BUD13: variants seen among roughly 807,000 people sequenced by gnomAD.
The protein encoded by BUD13 is BUD13 spliceosome associated protein.
Under a neutral mutation model 62.5 loss-of-function variants are expected in BUD13, and 47 were observed. That is an observed-to-expected ratio of 0.75 (90% confidence interval 0.60 to 0.96). The LOEUF (loss-of-function observed/expected upper bound fraction) is 0.96. BUD13 is among the 40% of genes least tolerant of loss of function. The pLI is 0.00. For missense variants in BUD13, 821 were observed against 790.9 expected (o/e 1.04, Z -0.46); for synonymous variants, 293 against 280.1 (o/e 1.05, Z -0.46).
chr11:116,772,569 GA>G (rs1339298841), intron 1 of BUD13, among the ~76,000 whole-genome samples: 1 of 152,206 alleles, frequency 6.6e-6, no homozygotes, highest in Non-Finnish European at 1.5e-5. Flanking sequence ...ACCAAGGCGG[GA>G]AAAGAGTAAT....
chr11:116,748,466 C>T lies in BUD13; in HGVS notation c.*16G>A, dbSNP rs148221476. On this transcript the variant is annotated 3_prime_UTR_variant, in exon 10 of 10. Coordinates refer to ENST00000260210, the MANE Select transcript of BUD13 (RefSeq NM_032725.4). ...CCCACTACCACAGCCCAGCCACCCC[C>T]ACAGCCTCAGGAAAGTTACATATCC... 399 of 1,613,534 alleles carry T rather than the reference C, an allele frequency of 2.5e-4. No individual in the cohort carries two copies. Among genetic ancestry groups the T allele is most frequent in the African/African-American group, 1.7e-3 (128 of 75,046 alleles).
chr11:116,759,263 G>A (rs987582704), intron 5 of BUD13, 84 bp from the exon 6 acceptor site: 1 of 878,886 alleles, frequency 1.1e-6, no homozygotes, highest in Non-Finnish European at 1.9e-6. Flanking sequence ...TTGCATTTGT[G>A]TCTAATGACC....
At chr11:116,760,648 C>T (rs781366978) in intron 5 of BUD13, 87 bp downstream of exon 5, 1 of 1,413,232 alleles carries the variant, frequency 7.1e-7, no homozygotes, top group Non-Finnish European at 9.9e-7. Context: ...CTACATCCTT[C>T]TTCTTGGCTT....
Position 116,763,278 on chromosome 11 carries a change from T to TAACAAAGAGTCAG in BUD13, c.323-25_323-13dup. Reference sequence around the variant, plus strand: ...GTCTTCGTTGTGGCCTAAACACAAATAACAAAGAGTCAGATTCCCACAAAT... The same window carrying TAACAAAGAGTCAG: ...GTCTTCGTTGTGGCCTAAACACAAATAACAAAGAGTCAGAACAAAGAGTCAGATTCCCACAAAT... On this transcript the variant is annotated splice_polypyrimidine_tract_variant and intron_variant, in intron 3 of 9. Transcript: ENST00000260210. 6.6e-7 allele frequency: 1 copy of TAACAAAGAGTCAG among 1,522,018 alleles called. No homozygotes were observed. 94.3% of individuals were successfully genotyped at this position (1,522,018 alleles called of 1,614,324 possible).
chr11:116,749,572 T>C (rs1940198258), intron 9 of BUD13, among the ~76,000 whole-genome samples: 1 of 152,144 alleles, frequency 6.6e-6, no homozygotes, highest in Non-Finnish European at 1.5e-5. Context: ...AGAAGTGGCC[T>C]GGTATGTGCA....
At chr11:116,762,351 T>C (rs1277038747) in intron 4 of BUD13, among the ~76,000 whole-genome samples, 1 of 152,216 alleles carries the variant, frequency 6.6e-6, no homozygotes, top group Non-Finnish European at 1.5e-5. Flanking sequence ...TACTTTTATA[T>C]GGGGTGGAGC....
intron 3 of BUD13, among the ~76,000 whole-genome samples, chr11:116,763,672 T>A (rs957696497): frequency 3.5e-4 from 53 of 152,152 alleles, no homozygotes; most frequent in African/African-American, 1.3e-3. Context: ...CCCAGTCCAA[T>A]GTTCTTTCTA....
Position 116,760,839 on chromosome 11 carries a change from G to A in BUD13, c.1150C>T (p.Arg384Trp), listed in dbSNP as rs149005278. Reference sequence around the variant, plus strand: ...GGAGAGAGGTCAGAATCAGAGCTCCGGTGTCTAGGTCTATTCCGTGGAGGT... The same window carrying A: ...GGAGAGAGGTCAGAATCAGAGCTCCAGTGTCTAGGTCTATTCCGTGGAGGT... ...LSPPRNRPRH[R>W]SSDSDLSPPR... The change falls in exon 5 of 10, where the codon CGG becomes TGG. Residue 384 changes from arginine to tryptophan, a missense_variant. Physicochemically the swap from Arg to Trp is moderately radical, Grantham distance 101. Coordinates refer to ENST00000260210, the MANE Select transcript of BUD13 (RefSeq NM_032725.4). 141 of 1,613,942 alleles carry A rather than the reference G, an allele frequency of 8.7e-5. No individual in the cohort carries two copies. Among genetic ancestry groups the A allele is most frequent in the Non-Finnish European group, 1.1e-4 (127 of 1,180,006 alleles).
At chr11:116,749,117 T>C (rs1452095328) in intron 9 of BUD13, among the ~76,000 whole-genome samples, 1 of 152,212 alleles carries the variant, frequency 6.6e-6, no homozygotes, top group Non-Finnish European at 1.5e-5. Flanking sequence ...TCCCCCACTC[T>C]GACAGCTATT....
chr11:116,754,355 T>G (rs1940289564), intron 9 of BUD13, among the ~76,000 whole-genome samples: 1 of 152,208 alleles, frequency 6.6e-6, no homozygotes, highest in Admixed American at 6.5e-5. Context: ...CCAACAAATT[T>G]CAAAAGATCA....
At chr11:116,765,824 G>A (rs115390026) in intron 2 of BUD13, among the ~76,000 whole-genome samples, 2,663 of 152,266 alleles carry the variant, frequency 0.017, 83 homozygotes, top group African/African-American at 0.061. Flanking sequence ...ATCATGCCTA[G>A]CACTAATCAA....
At chr11:116,763,975 A>C (rs1206925841) in intron 3 of BUD13, among the ~76,000 whole-genome samples, 2 of 152,238 alleles carry the variant, frequency 1.3e-5, no homozygotes, top group African/African-American at 4.8e-5. Context: ...AAATACTGTC[A>C]TTTCATTTAT....
At position 116,763,195 on chromosome 11, in the gene BUD13, G is replaced by A. The variant is rs550124526; in HGVS notation, c.394C>T (p.Arg132Cys). 19 of 1,591,298 alleles carry A rather than the reference G, an allele frequency of 1.2e-5. No homozygotes were observed. Among genetic ancestry groups the A allele is most frequent in the African/African-American group, 4.0e-5 (3 of 74,496 alleles). ...DTPDSSPRRV[R>C]HGTPDPSPRK... Reference sequence around the variant, plus strand: ...GGAGATGGATCTGGGGTACCATGACGGACCCTCCTAGGAGATGAATCCGGG... The same window carrying A: ...GGAGATGGATCTGGGGTACCATGACAGACCCTCCTAGGAGATGAATCCGGG... Residue 132 changes from arginine to cysteine, a missense_variant, in exon 4 of 10, where the codon CGT (arginine) becomes TGT (cysteine). Physicochemically the swap from Arg to Cys is radical, Grantham distance 180. Around this residue, in one of 2 missense-constraint regions of BUD13, gnomAD observed 800 missense variants for 739.2 expected, o/e 1.08. Transcript: ENST00000260210.
intron 3 of BUD13, among the ~76,000 whole-genome samples, 157 bp from the exon 4 acceptor site, chr11:116,763,423 C>T (rs1940475134): frequency 6.6e-6 from 1 of 152,196 alleles, no homozygotes; most frequent in Non-Finnish European, 1.5e-5. Context: ...GGGCAGCAAA[C>T]CACCACTCAT....
At chr11:116,752,900 G>C (rs889249614) in intron 9 of BUD13, among the ~76,000 whole-genome samples, 1 of 152,098 alleles carries the variant, frequency 6.6e-6, no homozygotes, top group Non-Finnish European at 1.5e-5. Context: ...CAAATAGCTG[G>C]TACTACAGAC....
In BUD13 at chr11:116,757,824, C is replaced by T. The variant is rs1940356775; in HGVS notation, c.1626G>A (p.Gly542=). Residue 542 remains glycine, a synonymous_variant, in exon 8 of 10, where the codon GGG becomes GGA. Coordinates refer to ENST00000260210, the MANE Select transcript of BUD13 (RefSeq NM_032725.4). ...TCTTGATGAAGTTGGCCATAGGGTC[C>T]CCCTCTCTTTCCTGTTCTCTTAGCA... ...DRMLREQERE[G]DPMANFIKKN... The T allele has an allele frequency of 6.2e-7, 1 of 1,613,982 alleles. No homozygotes were observed.
chr11:116,753,970 T>C (rs549371165), intron 9 of BUD13, among the ~76,000 whole-genome samples: 51 of 152,356 alleles, frequency 3.3e-4, no homozygotes, highest in Non-Finnish European at 4.9e-4. Flanking sequence ...AGAATATACG[T>C]TCTCTTCAAG....
At position 116,770,197 on chromosome 11, in the gene BUD13, T is replaced by C; in HGVS notation, c.169A>G (p.Ser57Gly). 1.2e-6 allele frequency: 2 copies of C among 1,613,318 alleles called. No homozygotes were observed. Among genetic ancestry groups the C allele is most frequent in the Non-Finnish European group, 1.7e-6 (2 of 1,179,724 alleles). ...TTGGTTGTGGAGATAGCTGTCCAGC[T>C]CACATCATCATCCACAATCCGCATT... Reference protein sequence around the residue: ...KGMRIVDDDVSWTAISTTKLE... With the variant: ...KGMRIVDDDVGWTAISTTKLE... Residue 57 changes from serine to glycine, a missense_variant, in exon 2 of 10, where the codon AGC becomes GGC. Ser to Gly is a moderately conservative substitution (Grantham distance 56). This residue lies in a region of BUD13 where 800 missense variants were observed against 739.2 expected (regional missense o/e 1.08). Coordinates refer to ENST00000260210, the MANE Select transcript of BUD13 (RefSeq NM_032725.4).
chr11:116,762,981 G>A lies in BUD13; in HGVS notation c.608C>T (p.Pro203Leu), dbSNP rs755798049. 3.7e-6 allele frequency: 6 copies of A among 1,613,688 alleles called. No individual in the cohort carries two copies. Among genetic ancestry groups the A allele is most frequent in the South Asian group, 1.1e-5 (1 of 91,070 alleles). The change falls in exon 4 of 10, where the codon CCA becomes CTA. Residue 203 changes from proline (P) to leucine (L), a missense_variant. Pro to Leu is a moderately conservative substitution (Grantham distance 98, BLOSUM62 -3). This residue lies in a region of BUD13 where 800 missense variants were observed against 739.2 expected (regional missense o/e 1.08). Coordinates refer to ENST00000260210, the MANE Select transcript of BUD13 (RefSeq NM_032725.4). The part of the protein sequence containing the change: ...ARHDSPDPSP[P>L]RRPQHNSSGA... ...TGAAGAATTATGCTGAGGCCTCCTT[G>A]GGGGAGAAGGATCTGGAGAATCATG...
Sources: allele counts gnomAD v4.1 joint callset (sites outside exome capture counted in the v4.1 genomes callset), GRCh38; gene constraint gnomAD v4.1.1; regional missense constraint gnomAD v4.1.1; transcripts MANE v1.5; gene names NCBI Gene and HGNC (gene_info 2026-07-23, HGNC 2026-07-21).